Variants in SUGP1 observed in about 807,000 individuals in gnomAD.
SUGP1 encodes SURP and G-patch domain-containing protein 1.
SUGP1 carries 34 observed loss-of-function variants against 76.5 expected under a neutral mutation model. The observed-to-expected ratio is 0.44, with a 90% CI of 0.34 to 0.59. The LOEUF (loss-of-function observed/expected upper bound fraction) is 0.59, where lower values mean the gene tolerates loss of function less well. Among genes scored for constraint, SUGP1 ranks in the 20% least tolerant of loss-of-function variants. The pLI is 0.01. For synonymous variants in SUGP1, 326 were observed against 326.2 expected, an observed-to-expected ratio of 1.00 and a Z score of 0.01; for missense variants, 752 against 851.7, an observed-to-expected ratio of 0.88 and a Z score of 1.46.
In SUGP1 at chr19:19,303,049, C is replaced by G. The variant is rs2061284038; in HGVS notation, c.763+299G>C. ...AACAAAGAACCAACAAGCAAAAGCCCCCTCTACCTAGGGTACTGCCCTGAA... is the reference window on the plus strand; with the variant it reads ...AACAAAGAACCAACAAGCAAAAGCCGCCTCTACCTAGGGTACTGCCCTGAA... On this transcript the variant is annotated intron_variant, in intron 6 of 13. Transcript: ENST00000247001. 4.6e-5 allele frequency among the ~76,000 whole-genome samples: 7 copies of G among 152,248 alleles called. No homozygotes were observed. The South Asian group carries it at 1.5e-3, about 32-fold the overall frequency.
In SUGP1 at chr19:19,305,812, C is replaced by T. The variant is rs369528590; in HGVS notation, c.538+37G>A. The T allele has an allele frequency of 1.1e-3, 1,708 of 1,551,582 alleles. 4 individuals carry two copies. The highest frequency in any genetic ancestry group is 1.4e-3 in the Non-Finnish European group (1,598 of 1,146,202). On this transcript the variant is annotated intron_variant, in intron 4 of 13. Transcript: ENST00000247001. ...CAGATCCCACCTGCTAGAGCACGGG[C>T]ACTGGTGGTGGGGGAGCAGCAGCTC...
chr19:19,290,933 A>G (rs922900116), intron 8 of SUGP1, among the ~76,000 whole-genome samples: 3 of 151,862 alleles, frequency 2.0e-5, no homozygotes, highest in Admixed American at 6.6e-5. Context: ...CCTGGCCAAC[A>G]TGGTGAAACC....
intron 4 of SUGP1, chr19:19,305,595 T>C: frequency 7.3e-6 from 3 of 409,868 alleles, no homozygotes; most frequent in Admixed American, 4.2e-5. Flanking sequence ...TGAGCCGCTG[T>C]GTGAGTGGAA....
In SUGP1 at chr19:19,320,450, C is replaced by T; in HGVS notation, c.34+13G>A. Reference sequence around the variant, plus strand: ...ACCCAGGCGGCCGCCTGAGAGGAGGCGGGGGCTGTTACCTGCAACATCCCG... The same window carrying T: ...ACCCAGGCGGCCGCCTGAGAGGAGGTGGGGGCTGTTACCTGCAACATCCCG... On this transcript the variant is annotated intron_variant, in intron 1 of 13. Coordinates refer to ENST00000247001, the MANE Select transcript of SUGP1 (RefSeq NM_172231.4). 2 of 1,609,558 alleles carry T rather than the reference C, an allele frequency of 1.2e-6. No individual in the cohort carries two copies. The highest frequency in any genetic ancestry group is 1.1e-5 in the South Asian group (1 of 89,780).
At chr19:19,310,720 T>G (rs1162609660) in intron 2 of SUGP1, among the ~76,000 whole-genome samples, 1 of 152,202 alleles carries the variant, frequency 6.6e-6, no homozygotes, top group Non-Finnish European at 1.5e-5. Context: ...CTTGGCTCAC[T>G]GCAACCTCCT....
rs777529014 is a variant in SUGP1, at chr19:19,305,995, C to T, written c.392G>A (p.Arg131Gln). ...CAGGCTGGCCAGCCCCAGGCCTGTC[C>T]GCCTGCTGATGAGCAGGGACCTCTT... ...AGKRSLLISR[R>Q]TGLGLASLPG... is the part of the protein sequence containing the mutation. Residue 131 changes from arginine to glutamine, a missense_variant, in exon 4 of 14, where the codon CGG (arginine) becomes CAG (glutamine). By Grantham distance (43) the Arg-to-Gln change is conservative. Around this residue, in one of 2 missense-constraint regions of SUGP1, gnomAD observed 620 missense variants for 617.3 expected, o/e 1.00. Coordinates refer to ENST00000247001, the MANE Select transcript of SUGP1 (RefSeq NM_172231.4). 45 of 1,611,756 alleles carry T rather than the reference C, an allele frequency of 2.8e-5. No individual in the cohort carries two copies. Among genetic ancestry groups the T allele is most frequent in the Admixed American group, 3.3e-5 (2 of 59,950 alleles).
intron 13 of SUGP1, 98 bp from the exon 14 acceptor site, chr19:19,276,772 C>A (rs2061052674): frequency 6.3e-7 from 1 of 1,586,844 alleles, no homozygotes; most frequent in South Asian, 1.1e-5. Flanking sequence ...AGCCCGCACC[C>A]TTGAGGTGGC....
chr19:19,313,041 G>C (rs2061364267), intron 2 of SUGP1, among the ~76,000 whole-genome samples: 1 of 151,138 alleles, frequency 6.6e-6, no homozygotes, highest in African/African-American at 2.4e-5. Context: ...CAAAAGGACA[G>C]GCTATAAAAC....
intron 10 of SUGP1, 144 bp from the exon 11 acceptor site, chr19:19,278,940 G>A (rs1325501096): frequency 9.3e-6 from 8 of 858,596 alleles, no homozygotes; most frequent in South Asian, 6.6e-5. Context: ...ACCCCAGCCC[G>A]AGCCTCTGCC....
intron 2 of SUGP1, among the ~76,000 whole-genome samples, chr19:19,313,537 C>A (rs1418774931): frequency 6.6e-6 from 1 of 151,516 alleles, no homozygotes; most frequent in Non-Finnish European, 1.5e-5. Flanking sequence ...ATAGTGAGAC[C>A]CCATCTACAC....
Position 19,277,863 on chromosome 19 carries a change from T to TC in SUGP1, c.1651dup (p.Asp551GlyfsTer57). On this transcript the variant is annotated frameshift_variant, in exon 12 of 14. Coordinates refer to ENST00000247001, the MANE Select transcript of SUGP1 (RefSeq NM_172231.4). LOFTEE classifies it high-confidence loss of function. ...CTTGAACTCCTTGTACTCTGAGTAG[T>TC]CAGGCTCACGGCCCTCCTGCAAGGT... is the stretch of plus-strand genomic sequence containing the variant. 6.2e-7 allele frequency: 1 copy of TC among 1,613,840 alleles called. No homozygotes were observed.
intron 7 of SUGP1, among the ~76,000 whole-genome samples, chr19:19,299,772 G>A (rs1204428652): frequency 2.0e-5 from 3 of 151,572 alleles, no homozygotes; most frequent in South Asian, 2.1e-4. Flanking sequence ...AGGGATGGGC[G>A]TTTCCAGCTT....
chr19:19,302,158 C>CA, intron 7 of SUGP1, 107 bp downstream of exon 7: 1 of 1,523,092 alleles, frequency 6.6e-7, no homozygotes, highest in Non-Finnish European at 8.9e-7. Context: ...GCCAGCTTCT[C>CA]ACAGTGGGAC....
In SUGP1 at chr19:19,297,215, A is replaced by G; in HGVS notation, c.1017T>C (p.Pro339=). 3 of 1,601,590 alleles carry G rather than the reference A, an allele frequency of 1.9e-6. No homozygotes were observed. Among genetic ancestry groups the G allele is most frequent in the Non-Finnish European group, 2.6e-6 (3 of 1,170,612 alleles). ...APDPGLKRKS[P]PEALSGSLPP... ...GTAAGGACCCTGACAGGGCCTCAGG[A>G]GGGGACTTGCGCTTCAGGCCGGGAT... The change falls in exon 8 of 14, where the codon CCT becomes CCC. Residue 339 remains proline, a synonymous_variant. Coordinates refer to ENST00000247001, the MANE Select transcript of SUGP1 (RefSeq NM_172231.4).
intron 13 of SUGP1, 58 bp from the exon 14 acceptor site, chr19:19,276,732 C>T (rs577835164): frequency 1.2e-6 from 2 of 1,612,366 alleles, no homozygotes; most frequent in South Asian, 2.2e-5. Context: ...ACAGCAGTTC[C>T]TCCTGTCTGG....
At chr19:19,286,495 CAG>C (rs2061141217) in intron 8 of SUGP1, among the ~76,000 whole-genome samples, 1 of 152,186 alleles carries the variant, frequency 6.6e-6, no homozygotes, top group African/African-American at 2.4e-5. Flanking sequence ...GGATTTATAA[CAG>C]AGTCCATGAA....
intron 2 of SUGP1, among the ~76,000 whole-genome samples, chr19:19,312,989 CA>C (rs1001316687): frequency 1.1e-4 from 15 of 134,340 alleles, no homozygotes; most frequent in South Asian, 2.3e-4. Context: ...GACTCCATCT[CA>C]AAAAAAAAAT....
intron 8 of SUGP1, among the ~76,000 whole-genome samples, chr19:19,295,667 G>C (rs902540894): frequency 6.6e-6 from 1 of 150,550 alleles, no homozygotes; most frequent in Admixed American, 6.6e-5. Flanking sequence ...CTGAGATCGT[G>C]CCACTTGCAC....
Position 19,307,004 on chromosome 19 carries a change from C to A in SUGP1, c.311-928G>T, listed in dbSNP as rs78539747. ...CACCACCCTGAGAGCAGGACTAGGG[C>A]CCCCGGATCATGAAAGATGCTGGCT... On this transcript the variant is annotated intron_variant, in intron 3 of 13. Coordinates refer to ENST00000247001, the MANE Select transcript of SUGP1 (RefSeq NM_172231.4). Among the ~76,000 whole-genome samples, 1,446 of 152,122 alleles carry A rather than the reference C, an allele frequency of 9.5e-3. 23 individuals carry two copies. The highest frequency in any genetic ancestry group is 0.033 in the African/African-American group (1,358 of 41,498).
Sources: gnomAD v4.1 joint callset for allele counts (sites outside exome capture counted in the v4.1 genomes callset) on GRCh38, gnomAD v4.1.1 for gene constraint, gnomAD v4.1.1 regional missense constraint, MANE v1.5 for transcripts, NCBI Gene and HGNC (gene_info 2026-07-23, HGNC 2026-07-21) for gene names.